Variants in LZTFL1 observed in about 807,000 individuals in gnomAD.
LZTFL1 encodes leucine zipper transcription factor like 1.
Under a neutral mutation model 45.9 loss-of-function variants are expected in LZTFL1, and 25 were observed. That is an observed-to-expected ratio of 0.54 (90% CI 0.40 to 0.76). The LOEUF is 0.76. Among genes scored for constraint, LZTFL1 ranks in the 30% least tolerant of loss-of-function variants. The pLI, the probability that LZTFL1 is intolerant of heterozygous loss-of-function variation, is 0.00. For missense variants in LZTFL1, 277 were observed against 331.1 expected (o/e 0.84, Z 1.27); for synonymous variants, 93 against 117.4 (o/e 0.79, Z 1.35).
At chr3:45,839,482 T>G (rs1701050305) in intron 1 of LZTFL1, among the ~76,000 whole-genome samples, 1 of 152,190 alleles carries the variant, frequency 6.6e-6, no homozygotes, top group South Asian at 2.1e-4. Context: ...TTTCCCAGGA[T>G]TCTACTAAAT....
In LZTFL1 at chr3:45,901,506, A is replaced by G. The variant is rs758349964; in HGVS notation, c.-215+11614T>C. On this transcript the variant is annotated intron_variant, in intron 2 of 4. Transcript: ENST00000472635. This position sits in a 1 kb window ranked among gnomAD's most constrained non-coding sequence, Gnocchi z 4.3. ...TTGCTGCTATACCATCATCATTCAC[A>G]CCCTGATACAAGCCAAGAAGTCTTC... The G allele has an allele frequency of 3.1e-6, 5 of 1,614,048 alleles. No individual in the cohort carries two copies. The South Asian group carries it at 5.5e-5, about 18-fold the overall frequency.
chr3:45,824,917 CG>C lies in LZTFL1; in HGVS notation c.*1396del, dbSNP rs1700626015. The C allele has an allele frequency of 1.0e-5, 4 of 398,364 alleles. No homozygotes were observed. In the East Asian group the frequency reaches 1.4e-4, roughly 14 times the overall value. 24.7% of individuals were successfully genotyped at this position (398,364 alleles called of 1,614,324 possible). The stretch of plus-strand genomic sequence containing the variant: ...AGAAAATACATAGTAAATGCTGGCT[CG>C]TTATTGCATTTTATTCTCTCCCTTC... On this transcript the variant is annotated 3_prime_UTR_variant, in exon 10 of 10. Coordinates refer to ENST00000296135, the MANE Select transcript of LZTFL1 (RefSeq NM_020347.4).
At position 45,842,082 on chromosome 3, in the gene LZTFL1, GA is replaced by G. The variant is rs976927032; in HGVS notation, c.-92del. 1.6e-5 allele frequency: 25 copies of G among 1,577,068 alleles called. No individual in the cohort carries two copies. The highest frequency in any genetic ancestry group is 2.0e-5 in the Non-Finnish European group (23 of 1,164,272). Reference sequence around the variant, plus strand: ...GATCGCCGAGGGTAGTTGGACCACAGAAAATGGGGAAGGAGGGTAGGTTGTT... The same window carrying G: ...GATCGCCGAGGGTAGTTGGACCACAGAAATGGGGAAGGAGGGTAGGTTGTT... On this transcript the variant is annotated 5_prime_UTR_variant, in exon 1 of 10. Coordinates refer to ENST00000296135, the MANE Select transcript of LZTFL1 (RefSeq NM_020347.4).
At chr3:45,902,018 G>A in intron 2 of LZTFL1, 2 of 826,354 alleles carry the variant, frequency 2.4e-6, no homozygotes, top group South Asian at 3.9e-5. Context: ...GGATGAATCT[G>A]AACTATATGA....
intron 2 of LZTFL1, among the ~76,000 whole-genome samples, chr3:45,860,264 A>AT (rs1053573220): frequency 1.3e-3 from 196 of 150,252 alleles, no homozygotes; most frequent in African/African-American, 3.2e-3. Context: ...ACTTGCAAGA[A>AT]TTTTTTTTTT....
At position 45,825,204 on chromosome 3, in the gene LZTFL1, ACT is replaced by A. The variant is rs1229482817; in HGVS notation, c.*1108_*1109del. ...AGACAGTGTTCATTTAGGGTGTGATACTCTCACTTTTAGAAGCAGGAAAAATT... is the reference window on the plus strand; with the variant it reads ...AGACAGTGTTCATTTAGGGTGTGATACTCACTTTTAGAAGCAGGAAAAATT... On this transcript the variant is annotated 3_prime_UTR_variant, in exon 10 of 10. Transcript: ENST00000296135. The A allele has an allele frequency of 7.2e-6, 2 of 277,712 alleles. No homozygotes were observed. The highest frequency in any genetic ancestry group is 4.3e-5 in the African/African-American group (2 of 46,004). 17.2% of individuals were successfully genotyped at this position (277,712 alleles called of 1,614,324 possible).
chr3:45,832,911 G>C (rs953120160), intron 5 of LZTFL1, 139 bp downstream of exon 5: 3 of 629,150 alleles, frequency 4.8e-6, no homozygotes, highest in Admixed American at 2.7e-5. Context: ...TGGCCCATGG[G>C]GTACCATCAA....
chr3:45,891,170 G>A (rs1464292235), intron 2 of LZTFL1, among the ~76,000 whole-genome samples: 3 of 152,198 alleles, frequency 2.0e-5, no homozygotes, highest in African/African-American at 4.8e-5. Context: ...AGTGAAATTC[G>A]GTGAATGCCC....
chr3:45,839,687 T>C (rs891006068), intron 1 of LZTFL1, among the ~76,000 whole-genome samples: 2 of 152,244 alleles, frequency 1.3e-5, no homozygotes, highest in African/African-American at 4.8e-5. Flanking sequence ...GCCTGATTTG[T>C]AGCACTGCTG....
At position 45,900,833 on chromosome 3, in the gene LZTFL1, T is replaced by G. The variant is rs771270016; in HGVS notation, c.-215+12287A>C. 21 of 1,612,940 alleles carry G rather than the reference T, an allele frequency of 1.3e-5. No homozygotes were observed. Among genetic ancestry groups the G allele is most frequent in the Non-Finnish European group, 1.8e-5 (21 of 1,179,016 alleles). On this transcript the variant is annotated intron_variant, in intron 2 of 4. Transcript: ENST00000472635. This position sits in a 1 kb window ranked among gnomAD's most constrained non-coding sequence, Gnocchi z 4.7. ...AGAGCCCTATTCCTAACATGGCTGA[T>G]GACTATGGCTCTGAATCCACATCTT...
chr3:45,857,338 G>C (rs887142264), intron 3 of LZTFL1, among the ~76,000 whole-genome samples: 3 of 152,142 alleles, frequency 2.0e-5, no homozygotes, highest in Non-Finnish European at 4.4e-5. Flanking sequence ...TGTGGACACA[G>C]AGGGGAACAA....
intron 5 of LZTFL1, among the ~76,000 whole-genome samples, chr3:45,831,687 T>C (rs984443476): frequency 1.3e-5 from 2 of 152,206 alleles, no homozygotes; most frequent in African/African-American, 4.8e-5. Flanking sequence ...TTTCAAGTCA[T>C]GCCGCCTCCT....
At chr3:45,906,750 T>G (rs1164296171) in intron 2 of LZTFL1, among the ~76,000 whole-genome samples, 1 of 152,170 alleles carries the variant, frequency 6.6e-6, no homozygotes, top group Admixed American at 6.5e-5. Flanking sequence ...AATTCCTTCA[T>G]GAAGAAGCCA....
At chr3:45,898,112 G>C (rs958472879) in intron 2 of LZTFL1, among the ~76,000 whole-genome samples, 1 of 151,558 alleles carries the variant, frequency 6.6e-6, no homozygotes, top group Non-Finnish European at 1.5e-5. Context: ...TTGTTTTACT[G>C]AGATTCCTCC....
intron 2 of LZTFL1, among the ~76,000 whole-genome samples, chr3:45,860,983 T>C (rs72876559): frequency 0.013 from 1,989 of 152,228 alleles, 42 homozygotes; most frequent in African/African-American, 0.045. Context: ...GCATATTTCT[T>C]CTGGGTCTTT....
chr3:45,880,614 C>G (rs967942357), intron 2 of LZTFL1, among the ~76,000 whole-genome samples: 1 of 152,212 alleles, frequency 6.6e-6, no homozygotes, highest in Non-Finnish European at 1.5e-5. Context: ...CCAACATGCT[C>G]GTGCCCCTCC....
intron 2 of LZTFL1, among the ~76,000 whole-genome samples, chr3:45,837,311 T>A (rs937193986): frequency 5.9e-5 from 9 of 152,248 alleles, no homozygotes; most frequent in Non-Finnish European, 1.3e-4. Flanking sequence ...TTTAATGGAC[T>A]GAATGGTCTA....
chr3:45,846,578 A>T (rs1222162120), upstream of LZTFL1, among the ~76,000 whole-genome samples: 5 of 152,250 alleles, frequency 3.3e-5, no homozygotes, highest in African/African-American at 1.2e-4. Flanking sequence ...AGCATACATT[A>T]TGCATTATAT....
At chr3:45,849,982 A>T (rs1430218893) in intron 4 of LZTFL1, among the ~76,000 whole-genome samples, 1 of 152,192 alleles carries the variant, frequency 6.6e-6, no homozygotes, top group Non-Finnish European at 1.5e-5. Context: ...CCATGGAGAT[A>T]GTTGTTTTTA....
Sources: allele counts gnomAD v4.1 joint callset (sites outside exome capture counted in the v4.1 genomes callset), GRCh38; gene constraint gnomAD v4.1.1; non-coding constraint Gnocchi (gnomAD v3.1); transcripts MANE v1.5; gene names NCBI Gene and HGNC (gene_info 2026-07-23, HGNC 2026-07-21).